The following FAT3 variants were observed in gnomAD, a reference collection of about 807,000 sequenced individuals.
FAT3 encodes protocadherin Fat 3.
FAT3 carries 95 observed loss-of-function variants against 310.2 expected under a neutral mutation model. The ratio of observed to expected loss-of-function variants is 0.31; its 90% CI spans 0.26 to 0.36. The LOEUF (loss-of-function observed/expected upper bound fraction) is 0.36, where lower values mean the gene tolerates loss of function less well. Among genes scored for constraint, FAT3 ranks in the 10% least tolerant of loss-of-function variants. The pLI, the probability that FAT3 is intolerant of heterozygous loss-of-function variation, is 1.00. For missense variants in FAT3, 5,408 were observed against 5,715.6 expected, an observed-to-expected ratio of 0.95 and a Z score of 1.74; for synonymous variants, 2,314 against 2,192.9, an observed-to-expected ratio of 1.06 and a Z score of -1.54.
intron 1 of FAT3, among the ~76,000 whole-genome samples, chr11:92,295,150 A>G (rs1946816665): frequency 6.6e-6 from 1 of 152,140 alleles, no homozygotes. Flanking sequence ...TCTACTGAGC[A>G]TTTACTACTT....
chr11:92,553,312 A>G (rs998866126), intron 3 of FAT3, among the ~76,000 whole-genome samples: 69 of 152,370 alleles, frequency 4.5e-4, no homozygotes, highest in African/African-American at 1.5e-3. Flanking sequence ...AATATCAGGT[A>G]TCACAAATGT....
intron 1 of FAT3, among the ~76,000 whole-genome samples, chr11:92,328,170 C>A (rs1947814444): frequency 6.6e-6 from 1 of 152,116 alleles, no homozygotes; most frequent in Non-Finnish European, 1.5e-5. Flanking sequence ...CCATACCTTA[C>A]CCACTCTTGC....
chr11:92,256,713 A>G (rs1373536771), intron 1 of FAT3, among the ~76,000 whole-genome samples: 1 of 152,168 alleles, frequency 6.6e-6, no homozygotes, highest in South Asian at 2.1e-4. Flanking sequence ...TGTGAAAAGC[A>G]TCATGCATAT....
intron 12 of FAT3, 48 bp downstream of exon 12, chr11:92,806,563 G>A (rs1445060327): frequency 3.4e-6 from 5 of 1,488,344 alleles, no homozygotes; most frequent in Non-Finnish European, 4.5e-6. Flanking sequence ...TAATTCATGA[G>A]AGAAGTTAAA....
intron 3 of FAT3, among the ~76,000 whole-genome samples, chr11:92,595,978 G>T (rs1218079824): frequency 6.6e-6 from 1 of 152,164 alleles, no homozygotes; most frequent in Non-Finnish European, 1.5e-5. Context: ...GGCAATGTTT[G>T]TGAGTATGGC....
At position 92,356,266 on chromosome 11, in the gene FAT3, T is replaced by C. The variant is rs867470015; in HGVS notation, c.3292+862T>C. ...TAGCACTGTGCATTTTTCTAGATTTTAGATTGTAGACATCTCAAGTGAGGG... is the reference window on the plus strand; with the variant it reads ...TAGCACTGTGCATTTTTCTAGATTTCAGATTGTAGACATCTCAAGTGAGGG... On this transcript the variant is annotated intron_variant, in intron 2 of 27. Transcript: ENST00000525166. 2.0e-5 allele frequency among the ~76,000 whole-genome samples: 3 copies of C among 152,332 alleles called. No homozygotes were observed. In the South Asian group the frequency reaches 6.2e-4, roughly 32 times the overall value.
chr11:92,763,675 G>C (rs1175563950), intron 5 of FAT3, among the ~76,000 whole-genome samples: 10 of 152,112 alleles, frequency 6.6e-5, no homozygotes, highest in Non-Finnish European at 1.5e-4. Context: ...TTCAATTCTG[G>C]TGCAATTAAT....
chr11:92,891,246 A>T lies in FAT3; in HGVS notation c.*133A>T, dbSNP rs113226511. ...GTATTTTTCCACTAGAAACTTCTTC[A>T]CAAGTCATACTGTCCCAACAAGCAA... On this transcript the variant is annotated 3_prime_UTR_variant, in exon 28 of 28. Coordinates refer to ENST00000525166, the MANE Select transcript of FAT3 (RefSeq NM_001367949.2). 15 of 1,202,296 alleles carry T rather than the reference A, an allele frequency of 1.2e-5. No homozygotes were observed. The highest frequency in any genetic ancestry group is 1.7e-5 in the Non-Finnish European group (15 of 870,502). The allele number at this position is 1,202,296 out of a possible 1,614,324, so 74.5% of individuals were successfully genotyped here. A position where few individuals can be genotyped will look rare whatever the true frequency, so the allele number is the denominator to read the frequency against.
At chr11:92,261,689 A>G (rs1425033975) in intron 1 of FAT3, among the ~76,000 whole-genome samples, 4 of 152,018 alleles carry the variant, frequency 2.6e-5, no homozygotes, top group East Asian at 1.9e-4. Context: ...TATTATTCCA[A>G]TCCCTGGGTG....
chr11:92,704,978 G>A (rs975809521), intron 4 of FAT3, among the ~76,000 whole-genome samples: 3 of 152,168 alleles, frequency 2.0e-5, no homozygotes, highest in African/African-American at 7.2e-5. Flanking sequence ...TTCCAAGGGA[G>A]AATTATCCTC....
At chr11:92,559,994 A>G (rs1046641365) in intron 3 of FAT3, among the ~76,000 whole-genome samples, 5 of 152,160 alleles carry the variant, frequency 3.3e-5, no homozygotes, top group African/African-American at 4.8e-5. Context: ...GTTGGAGCAT[A>G]TGGTTACTAC....
intron 3 of FAT3, among the ~76,000 whole-genome samples, chr11:92,557,836 G>T (rs1339598211): frequency 6.6e-6 from 1 of 152,166 alleles, no homozygotes; most frequent in Non-Finnish European, 1.5e-5. Context: ...GAAATGTTCT[G>T]AATTTAATAA....
At chr11:92,822,740 A>T (rs1448159138) in intron 13 of FAT3, among the ~76,000 whole-genome samples, 2 of 152,184 alleles carry the variant, frequency 1.3e-5, no homozygotes, top group Non-Finnish European at 2.9e-5. Context: ...TTTCTAGTTT[A>T]TGCTAACTAT....
chr11:92,310,082 T>C (rs1014529410), intron 1 of FAT3, among the ~76,000 whole-genome samples: 4 of 152,180 alleles, frequency 2.6e-5, no homozygotes, highest in African/African-American at 9.7e-5. Context: ...TGATTCATGA[T>C]GTTTATTTTA....
At chr11:92,802,494 A>T (rs752458153) in intron 10 of FAT3, among the ~76,000 whole-genome samples, 64 of 152,184 alleles carry the variant, frequency 4.2e-4, no homozygotes, top group Non-Finnish European at 7.5e-4. Flanking sequence ...GCAAGTAGCA[A>T]TTCAAGAGGA....
At chr11:92,395,747 T>G (rs1949854562) in intron 2 of FAT3, among the ~76,000 whole-genome samples, 1 of 151,848 alleles carries the variant, frequency 6.6e-6, no homozygotes, top group South Asian at 2.1e-4. Flanking sequence ...CCTGACAAAT[T>G]TTTGTATTTT....
intron 24 of FAT3, among the ~76,000 whole-genome samples, chr11:92,886,606 G>A (rs1338109131): frequency 1.3e-5 from 2 of 152,180 alleles, no homozygotes; most frequent in Non-Finnish European, 2.9e-5. Flanking sequence ...CATTTTAAAA[G>A]TTATCTCATT....
intron 4 of FAT3, among the ~76,000 whole-genome samples, chr11:92,736,020 T>A (rs1284763240): frequency 3.3e-5 from 5 of 152,188 alleles, no homozygotes; most frequent in Non-Finnish European, 7.3e-5. Context: ...AGCATTCTTA[T>A]GGCAAACCTG....
chr11:92,362,134 G>A (rs1338811494), intron 2 of FAT3, among the ~76,000 whole-genome samples: 2 of 152,174 alleles, frequency 1.3e-5, no homozygotes, highest in Non-Finnish European at 2.9e-5. Context: ...TTGCACTGAG[G>A]CTCTTGAAAC....
Sources: gnomAD v4.1 joint callset for allele counts (sites outside exome capture counted in the v4.1 genomes callset) on GRCh38, gnomAD v4.1.1 for gene constraint, MANE v1.5 for transcripts, NCBI Gene and HGNC (gene_info 2026-07-23, HGNC 2026-07-21) for gene names.